The following EGFLAM variants were observed in gnomAD, a reference collection of about 807,000 sequenced individuals.
EGFLAM encodes EGF like, fibronectin type III and laminin G domains.
A neutral mutation model predicts 113.1 loss-of-function variants in EGFLAM; 79 were observed. The observed-to-expected ratio is 0.70, with a 90% CI of 0.58 to 0.84. The LOEUF is 0.84. Ranked by LOEUF, EGFLAM falls within the 40% of genes least tolerant of loss-of-function variation. The probability of loss-of-function intolerance (pLI) is 0.00; values close to 1 mark genes in which losing one functional copy is unlikely to be tolerated. For synonymous variants in EGFLAM, 504 were observed against 487.6 expected (o/e 1.03, Z -0.44); for missense variants, 1,265 against 1,291.6 (o/e 0.98, Z 0.32).
rs1758723865 is a variant in EGFLAM, at chr5:38,306,640, G to A, written c.98-30880G>A. Among the ~76,000 whole-genome samples the A allele has an allele frequency of 2.0e-5, 3 of 152,112 alleles. No individual in the cohort carries two copies. The South Asian group carries it at 6.2e-4, about 32-fold the overall frequency. ...CATGCGGAATATACAATTTTCCTCAGACTAGTGAGAAAGATCACTCTTTGT... is the reference window on the plus strand; with the variant it reads ...CATGCGGAATATACAATTTTCCTCAAACTAGTGAGAAAGATCACTCTTTGT... On this transcript the variant is annotated intron_variant, in intron 1 of 21. Coordinates refer to ENST00000322350, the MANE Select transcript of EGFLAM (RefSeq NM_152403.4).
chr5:38,351,092 G>C (rs1242820481), intron 4 of EGFLAM, among the ~76,000 whole-genome samples: 1 of 151,538 alleles, frequency 6.6e-6, no homozygotes, highest in Non-Finnish European at 1.5e-5. Flanking sequence ...AATGACAAAT[G>C]AGTGACAGCA....
At chr5:38,264,467 T>C (rs1419051386) in intron 1 of EGFLAM, among the ~76,000 whole-genome samples, 1 of 152,138 alleles carries the variant, frequency 6.6e-6, no homozygotes, top group African/African-American at 2.4e-5. Context: ...CAATACATCT[T>C]GTTGGTTGCT....
At chr5:38,451,207 C>T in intron 18 of EGFLAM, 108 bp from the exon 19 acceptor site, 1 of 1,470,200 alleles carries the variant, frequency 6.8e-7, no homozygotes, top group Non-Finnish European at 9.3e-7. Context: ...CAGAAAGTGC[C>T]AGACTATCCT....
intron 1 of EGFLAM, among the ~76,000 whole-genome samples, chr5:38,298,968 T>A (rs533336883): frequency 3.0e-4 from 46 of 152,284 alleles, no homozygotes; most frequent in Admixed American, 2.6e-3. Context: ...TCTTACCTTG[T>A]ATTAGCTAAC....
chr5:38,389,424 C>T (rs746188368), intron 6 of EGFLAM, among the ~76,000 whole-genome samples: 16 of 152,124 alleles, frequency 1.1e-4, no homozygotes, highest in Non-Finnish European at 1.8e-4. Context: ...TCTAATTTGT[C>T]TAGACTGTCA....
intron 6 of EGFLAM, among the ~76,000 whole-genome samples, chr5:38,397,484 A>T (rs1740991812): frequency 6.6e-6 from 1 of 152,116 alleles, no homozygotes; most frequent in Non-Finnish European, 1.5e-5. Flanking sequence ...ATAGAGATGA[A>T]GTGTTGCTAT....
intron 3 of EGFLAM, among the ~76,000 whole-genome samples, chr5:38,342,433 A>G (rs1739360179): frequency 6.6e-6 from 1 of 152,216 alleles, no homozygotes; most frequent in Non-Finnish European, 1.5e-5. Context: ...ATTACCTTAA[A>G]AGGTAGATTT....
chr5:38,339,891 G>A (rs1259248341), intron 3 of EGFLAM, among the ~76,000 whole-genome samples: 2 of 152,166 alleles, frequency 1.3e-5, no homozygotes, highest in Non-Finnish European at 2.9e-5. Context: ...CGCAGAAGCT[G>A]TCAACCCCAG....
chr5:38,275,466 A>G (rs1757863167), intron 1 of EGFLAM, among the ~76,000 whole-genome samples: 1 of 152,228 alleles, frequency 6.6e-6, no homozygotes, highest in Admixed American at 6.5e-5. Flanking sequence ...CTATAAAAAG[A>G]GACAAAAAAG....
intron 6 of EGFLAM, among the ~76,000 whole-genome samples, chr5:38,388,529 A>G (rs907554431): frequency 6.6e-6 from 1 of 152,074 alleles, no homozygotes; most frequent in Non-Finnish European, 1.5e-5. Flanking sequence ...GGATCACTTG[A>G]GGTCAGGGGT....
At chr5:38,433,795 G>A (rs114261186) in intron 15 of EGFLAM, among the ~76,000 whole-genome samples, 88 of 152,298 alleles carry the variant, frequency 5.8e-4, no homozygotes, top group African/African-American at 1.9e-3. Flanking sequence ...GTATTCTGCT[G>A]GGCCACAAGA....
chr5:38,400,913 A>C (rs1741094241), intron 6 of EGFLAM, among the ~76,000 whole-genome samples: 1 of 152,150 alleles, frequency 6.6e-6, no homozygotes, highest in South Asian at 2.1e-4. Context: ...ATGAAAGTTA[A>C]AATTACTTTG....
At chr5:38,337,748 C>T (rs897204917) in intron 2 of EGFLAM, 119 bp downstream of exon 2, 1 of 818,520 alleles carries the variant, frequency 1.2e-6, no homozygotes, top group Non-Finnish European at 1.9e-6. Context: ...CATTCTCCCT[C>T]CATAAAGCTA....
intron 18 of EGFLAM, among the ~76,000 whole-genome samples, chr5:38,449,665 T>C (rs760478421): frequency 7.3e-5 from 11 of 150,322 alleles, no homozygotes; most frequent in Non-Finnish European, 1.5e-4. Context: ...TATGTGTGTG[T>C]GCGCATGCAT....
chr5:38,270,499 A>AAC (rs1554044260), intron 1 of EGFLAM, among the ~76,000 whole-genome samples: 160 of 151,902 alleles, frequency 1.1e-3, no homozygotes, highest in African/African-American at 3.7e-3. Context: ...GGAAAAAAAA[A>AAC]AACAACAAGC....
At chr5:38,307,098 G>C (rs2111845701) in intron 1 of EGFLAM, among the ~76,000 whole-genome samples, 1 of 152,296 alleles carries the variant, frequency 6.6e-6, no homozygotes, top group Non-Finnish European at 1.5e-5. Flanking sequence ...GTGTGGAGCT[G>C]AGACAAATTG....
chr5:38,401,985 T>A (rs1741129188), intron 6 of EGFLAM: 1 of 152,234 alleles, frequency 6.6e-6, no homozygotes, highest in Non-Finnish European at 1.5e-5. Flanking sequence ...CAGAAGAGTC[T>A]GTTTTCTTTT....
intron 1 of EGFLAM, among the ~76,000 whole-genome samples, chr5:38,334,307 G>A (rs1407908729): frequency 6.6e-6 from 1 of 152,186 alleles, no homozygotes; most frequent in Non-Finnish European, 1.5e-5. Flanking sequence ...TTATAAACAA[G>A]AGAAATCTAT....
intron 1 of EGFLAM, among the ~76,000 whole-genome samples, chr5:38,302,938 C>G (rs925817739): frequency 3.3e-5 from 5 of 152,178 alleles, no homozygotes; most frequent in East Asian, 1.9e-4. Context: ...CATGCCTTAA[C>G]AGCCCAGATT....
Sources: gnomAD v4.1 joint callset for allele counts (sites outside exome capture counted in the v4.1 genomes callset) on GRCh38, gnomAD v4.1.1 for gene constraint, MANE v1.5 for transcripts, NCBI Gene and HGNC (gene_info 2026-07-23, HGNC 2026-07-21) for gene names.